HSPA12A: variants seen among roughly 807,000 people sequenced by gnomAD.
HSPA12A encodes heat shock protein family A (Hsp70) member 12A, also known as heat shock 70 kDa protein 12A.
A neutral mutation model predicts 69.2 loss-of-function variants in HSPA12A; 28 were observed. The ratio of observed to expected loss-of-function variants is 0.40; its 90% CI spans 0.30 to 0.55. The LOEUF (loss-of-function observed/expected upper bound fraction) is 0.55. Among genes scored for constraint, HSPA12A ranks in the 20% least tolerant of loss-of-function variants. The pLI is 0.38. For synonymous variants in HSPA12A, 345 were observed against 370.5 expected, an observed-to-expected ratio of 0.93 and a Z score of 0.79; for missense variants, 686 against 900.7, an observed-to-expected ratio of 0.76 and a Z score of 3.05.
In HSPA12A at chr10:116,672,550, C is replaced by G. The variant is rs1428026327; in HGVS notation, c.*2231G>C. 1 of 152,388 alleles carries G rather than the reference C, an allele frequency of 6.6e-6. No individual in the cohort carries two copies. Among genetic ancestry groups the G allele is most frequent in the Non-Finnish European group, 1.5e-5 (1 of 68,044 alleles). The allele number at this position is 152,388 out of a possible 1,614,324, so 9.4% of individuals were successfully genotyped here. The stretch of plus-strand genomic sequence containing the variant: ...GCGTACATAGTCCATAGCTTGGCAT[C>G]AGCACAGATCGATGCTTAGTGAGCA... On this transcript the variant is annotated 3_prime_UTR_variant, in exon 12 of 12. Transcript: ENST00000369209.
chr10:116,829,537 C>G (rs1314280864), intron 2 of HSPA12A: 1 of 152,494 alleles, frequency 6.6e-6, no homozygotes, highest in East Asian at 1.9e-4. Flanking sequence ...GAACAAGGAG[C>G]AGAACCGGTG....
chr10:116,814,829 T>C (rs1169422508), intron 2 of HSPA12A, among the ~76,000 whole-genome samples: 2 of 152,008 alleles, frequency 1.3e-5, no homozygotes, highest in Admixed American at 6.5e-5. Flanking sequence ...TCCTGTTCTG[T>C]ATGAGAGGGT....
upstream of HSPA12A, among the ~76,000 whole-genome samples, chr10:116,747,541 G>T (rs554585474): frequency 2.9e-4 from 44 of 152,326 alleles, 1 homozygote; most frequent in South Asian, 8.7e-3. Flanking sequence ...ACGTGACCAG[G>T]AGAGTTTTCA....
intron 1 of HSPA12A, among the ~76,000 whole-genome samples, chr10:116,847,444 C>T (rs1170641186): frequency 6.6e-6 from 1 of 152,194 alleles, no homozygotes; most frequent in African/African-American, 2.4e-5. Context: ...TCTTGCCCTT[C>T]CTATATTCAG....
chr10:116,681,374 A>G, intron 8 of HSPA12A, 118 bp from the exon 9 acceptor site: 1 of 754,836 alleles, frequency 1.3e-6, no homozygotes, highest in South Asian at 1.5e-5. Context: ...CATTAGCACA[A>G]TGGTTTTGCT....
At chr10:116,817,000 G>A (rs938687316) in intron 2 of HSPA12A, among the ~76,000 whole-genome samples, 1 of 152,176 alleles carries the variant, frequency 6.6e-6, no homozygotes, top group African/African-American at 2.4e-5. Context: ...GCTGTCGAAT[G>A]TGGAAACATG....
chr10:116,707,083 T>G, intron 2 of HSPA12A, 117 bp downstream of exon 2: 1 of 827,814 alleles, frequency 1.2e-6, no homozygotes, highest in Non-Finnish European at 1.8e-6. Context: ...TCCAGCAGCC[T>G]GAACTGTGAG....
At chr10:116,790,264 C>T (rs1441344947) in intron 2 of HSPA12A, among the ~76,000 whole-genome samples, 3 of 151,894 alleles carry the variant, frequency 2.0e-5, no homozygotes, top group Non-Finnish European at 2.9e-5. Flanking sequence ...CCACCTCACC[C>T]GGCTAATTTT....
At chr10:116,726,712 T>C (rs187100251) in intron 1 of HSPA12A, among the ~76,000 whole-genome samples, 467 of 152,340 alleles carry the variant, frequency 3.1e-3, no homozygotes, top group Non-Finnish European at 5.3e-3. Flanking sequence ...CTTGCTCCGA[T>C]GAACGGCATG....
chr10:116,770,335 A>G (rs537725057), intron 2 of HSPA12A, among the ~76,000 whole-genome samples: 5 of 152,328 alleles, frequency 3.3e-5, no homozygotes, highest in Middle Eastern at 3.4e-3. Context: ...CAGACCCGCC[A>G]GTACAGACCG....
chr10:116,740,475 G>A (rs1851453044), intron 1 of HSPA12A, among the ~76,000 whole-genome samples: 1 of 152,188 alleles, frequency 6.6e-6, no homozygotes, highest in African/African-American at 2.4e-5. Flanking sequence ...GTTGGTCTCT[G>A]TCCTAAGTCC....
intron 2 of HSPA12A, among the ~76,000 whole-genome samples, chr10:116,755,350 A>G (rs987790829): frequency 2.6e-5 from 4 of 152,098 alleles, no homozygotes; most frequent in Non-Finnish European, 5.9e-5. Flanking sequence ...AGTTGCTCAC[A>G]TCTGTAATCC....
intron 1 of HSPA12A, among the ~76,000 whole-genome samples, chr10:116,707,734 G>T (rs1210209566): frequency 3.3e-5 from 5 of 152,130 alleles, no homozygotes; most frequent in African/African-American, 4.8e-5. Context: ...GGGGTGAGGG[G>T]TACCTCCCCC....
chr10:116,706,086 TG>T (rs1331902497), intron 2 of HSPA12A, among the ~76,000 whole-genome samples: 3 of 151,692 alleles, frequency 2.0e-5, no homozygotes, highest in Non-Finnish European at 4.4e-5. Context: ...TAGTAGAGAC[TG>T]GGTTTCACGG....
At chr10:116,676,858 C>A (rs1467220652) in intron 10 of HSPA12A, among the ~76,000 whole-genome samples, 1 of 152,206 alleles carries the variant, frequency 6.6e-6, no homozygotes, top group African/African-American at 2.4e-5. Flanking sequence ...GTTAAAAGCT[C>A]CCTGGCGAGT....
intron 2 of HSPA12A, among the ~76,000 whole-genome samples, chr10:116,787,949 G>A (rs938981488): frequency 6.6e-6 from 1 of 151,740 alleles, no homozygotes; most frequent in Non-Finnish European, 1.5e-5. Context: ...GTGGAAGTTG[G>A]GGACAGTGAC....
rs782107484 is a variant in HSPA12A, at chr10:116,676,418, A to T, written c.1371T>A (p.Asp457Glu). Reference sequence around the variant, plus strand: ...ACTTACGGAGATGCTCAATGATGCTATCGATGGTCGGCTTAAAAAGGGCGT... The same window carrying T: ...ACTTACGGAGATGCTCAATGATGCTTTCGATGGTCGGCTTAAAAAGGGCGT... ...AMNALFKPTI[D>E]SIIEHLRDLF... The change falls in exon 11 of 12, where the codon GAT becomes GAA. Residue 457 changes from aspartate (D) to glutamate (E), a missense_variant. Transcript: ENST00000369209. 1.3e-5 allele frequency: 21 copies of T among 1,613,742 alleles called. No homozygotes were observed. Among genetic ancestry groups the T allele is most frequent in the Admixed American group, 1.2e-4 (7 of 60,008 alleles).
At chr10:116,702,319 G>A (rs373631881) in intron 3 of HSPA12A, among the ~76,000 whole-genome samples, 27 of 152,194 alleles carry the variant, frequency 1.8e-4, no homozygotes, top group South Asian at 6.2e-4. Flanking sequence ...TGCACAGCCC[G>A]TGCGCCCTCA....
chr10:116,766,570 G>A (rs1554889771), intron 2 of HSPA12A, among the ~76,000 whole-genome samples: 1 of 152,136 alleles, frequency 6.6e-6, no homozygotes, highest in East Asian at 1.9e-4. Flanking sequence ...CCTTCTTGGA[G>A]GCATTCAGAA....
Sources: gnomAD v4.1 joint callset for allele counts (sites outside exome capture counted in the v4.1 genomes callset) on GRCh38, gnomAD v4.1.1 for gene constraint, MANE v1.5 for transcripts, NCBI Gene and HGNC (gene_info 2026-07-23, HGNC 2026-07-21) for gene names.